Variants in CNGA1 observed in about 807,000 individuals in gnomAD.
The protein encoded by CNGA1 is cyclic nucleotide gated channel subunit alpha 1, also known as cyclic nucleotide-gated channel alpha-1.
CNGA1 carries 53 observed loss-of-function variants against 69.7 expected under a neutral mutation model. The ratio of observed to expected loss-of-function variants is 0.76; its 90% CI spans 0.61 to 0.96. The LOEUF (loss-of-function observed/expected upper bound fraction) is 0.96, where lower values mean the gene tolerates loss of function less well. Among genes scored for constraint, CNGA1 ranks in the 40% least tolerant of loss-of-function variants. CNGA1 has a pLI of 0.00. For missense variants in CNGA1, 739 were observed against 811.2 expected (o/e 0.91, Z 1.08); for synonymous variants, 249 against 283.5 (o/e 0.88, Z 1.22).
intron 10 of CNGA1, 44 bp downstream of exon 10, chr4:47,940,719 T>C: frequency 8.0e-7 from 1 of 1,247,928 alleles, no homozygotes; most frequent in Non-Finnish European, 1.2e-6. Context: ...ATGCTAGAGA[T>C]AAAAGCATGA....
intron 3 of CNGA1, among the ~76,000 whole-genome samples, chr4:47,980,244 G>C (rs1442209223): frequency 1.3e-5 from 2 of 151,314 alleles, no homozygotes; most frequent in Non-Finnish European, 2.9e-5. Context: ...ACTGATTAAA[G>C]GATATATAAA....
At chr4:47,986,542 T>G (rs1741984296) in intron 2 of CNGA1, among the ~76,000 whole-genome samples, 1 of 152,216 alleles carries the variant, frequency 6.6e-6, no homozygotes, top group South Asian at 2.1e-4. Flanking sequence ...AATGAGAATC[T>G]GTGTTTTCAT....
intron 2 of CNGA1, among the ~76,000 whole-genome samples, chr4:47,998,548 G>A (rs769771877): frequency 1.4e-4 from 22 of 152,164 alleles, no homozygotes; most frequent in Non-Finnish European, 3.1e-4. Flanking sequence ...GCTGAGATGG[G>A]CAGATCATTT....
chr4:47,955,465 G>A (rs1037737513), intron 3 of CNGA1, among the ~76,000 whole-genome samples: 1 of 152,110 alleles, frequency 6.6e-6, no homozygotes, highest in Non-Finnish European at 1.5e-5. Context: ...TTACAGGCGT[G>A]AGCCACCGCG....
At chr4:47,968,915 A>G (rs1740869880) in intron 3 of CNGA1, among the ~76,000 whole-genome samples, 1 of 152,172 alleles carries the variant, frequency 6.6e-6, no homozygotes, top group South Asian at 2.1e-4. Flanking sequence ...AACTGGTTTA[A>G]TTTCTACACA....
chr4:47,952,544 G>C lies in CNGA1; in HGVS notation c.107+39C>G, dbSNP rs774868308. 5.6e-6 allele frequency: 9 copies of C among 1,602,566 alleles called. No homozygotes were observed. The Admixed American group carries it at 6.7e-5, about 12-fold the overall frequency. On this transcript the variant is annotated intron_variant, in intron 4 of 10. Transcript: ENST00000514170. ...AATCTAGTTAAATTAAAGAACTGTA[G>C]CTAATAATAAAAATGCATGGGAAAA... is the stretch of plus-strand genomic sequence containing the variant.
At chr4:47,960,154 C>G (rs571394421) in intron 3 of CNGA1, among the ~76,000 whole-genome samples, 4 of 152,062 alleles carry the variant, frequency 2.6e-5, no homozygotes, top group Non-Finnish European at 2.9e-5. Context: ...AACTAATAAG[C>G]ACATGAAAAT....
chr4:47,980,249 T>C (rs1376858246), intron 3 of CNGA1, among the ~76,000 whole-genome samples: 2 of 152,080 alleles, frequency 1.3e-5, no homozygotes, highest in East Asian at 1.9e-4. Context: ...TTAAAGGATA[T>C]ATAAACAAAA....
chr4:47,955,057 C>T (rs2110165635), intron 3 of CNGA1, among the ~76,000 whole-genome samples: 1 of 152,130 alleles, frequency 6.6e-6, no homozygotes, highest in Non-Finnish European at 1.5e-5. Context: ...ATTTTAGTAT[C>T]ACTTTTTCCT....
intron 2 of CNGA1, among the ~76,000 whole-genome samples, chr4:48,001,525 C>G (rs1007950482): frequency 6.6e-6 from 1 of 151,952 alleles, no homozygotes; most frequent in East Asian, 1.9e-4. Context: ...AAAGTAAATT[C>G]CAAATCAGAA....
intron 3 of CNGA1, among the ~76,000 whole-genome samples, chr4:47,957,721 CA>C (rs544850524): frequency 5.7e-4 from 87 of 152,212 alleles, no homozygotes; most frequent in African/African-American, 2.0e-3. Flanking sequence ...GTGAGTTTAG[CA>C]ATGATAAGAA....
intron 6 of CNGA1, among the ~76,000 whole-genome samples, chr4:47,948,694 G>A (rs1739569330): frequency 6.6e-6 from 1 of 152,184 alleles, no homozygotes; most frequent in South Asian, 2.1e-4. Flanking sequence ...TGTATACAAT[G>A]CAGGGAGGGG....
At chr4:47,985,240 TA>T (rs1478451086) in intron 2 of CNGA1, among the ~76,000 whole-genome samples, 5 of 152,224 alleles carry the variant, frequency 3.3e-5, no homozygotes, top group Non-Finnish European at 7.3e-5. Flanking sequence ...ATATCAAAGT[TA>T]AACTTTGTTT....
intron 3 of CNGA1, among the ~76,000 whole-genome samples, chr4:47,977,744 C>T (rs760459385): frequency 6.6e-6 from 1 of 152,010 alleles, no homozygotes; most frequent in Non-Finnish European, 1.5e-5. Context: ...TTAATTATTG[C>T]ATTTTATTGC....
At chr4:47,996,687 G>A (rs993762173) in intron 2 of CNGA1, among the ~76,000 whole-genome samples, 1 of 152,050 alleles carries the variant, frequency 6.6e-6, no homozygotes, top group African/African-American at 2.4e-5. Context: ...CAAATACAAA[G>A]GGCTCAAAGA....
chr4:47,952,907 A>G, intron 3 of CNGA1: 1 of 323,784 alleles, frequency 3.1e-6, no homozygotes. Context: ...GCAGAAAGCA[A>G]AGGAGAAGCA....
In CNGA1 at chr4:48,016,681, T is replaced by C; in HGVS notation, c.-421A>G. On this transcript the variant is annotated 5_prime_UTR_variant, in exon 1 of 11. Coordinates refer to ENST00000514170, the MANE Select transcript of CNGA1 (RefSeq NM_001379270.1). ...CCGGGCAGCAGGGCTCGGCTGGCGC[T>C]GAGGCCCCGCCTGGCCATGCCCATT... 2 of 625,518 alleles carry C rather than the reference T, an allele frequency of 3.2e-6. No individual in the cohort carries two copies. Among genetic ancestry groups the C allele is most frequent in the Non-Finnish European group, 5.3e-6 (2 of 380,940 alleles). The allele number at this position is 625,518 out of a possible 1,614,324, so 38.7% of individuals were successfully genotyped here.
intron 3 of CNGA1, among the ~76,000 whole-genome samples, chr4:47,975,207 C>A (rs1741285476): frequency 2.0e-5 from 3 of 152,036 alleles, no homozygotes; most frequent in Non-Finnish European, 4.4e-5. Flanking sequence ...AATAATTATC[C>A]TTATAGGCTC....
chr4:47,951,475 G>A lies in CNGA1; in HGVS notation c.108-6C>T. 1 of 1,571,916 alleles carries A rather than the reference G, an allele frequency of 6.4e-7. No homozygotes were observed. The highest frequency in any genetic ancestry group is 8.8e-7 in the Non-Finnish European group (1 of 1,141,842). ...CATCATCCTCAGAAAAGGAGCTACA[G>A]TCCAATAGGAGGCAGAGAGAGAAGA... On this transcript the variant is annotated splice_polypyrimidine_tract_variant and splice_region_variant and intron_variant, in intron 4 of 10. Transcript: ENST00000514170.
Sources: allele counts gnomAD v4.1 joint callset (sites outside exome capture counted in the v4.1 genomes callset), GRCh38; gene constraint gnomAD v4.1.1; transcripts MANE v1.5; gene names NCBI Gene and HGNC (gene_info 2026-07-23, HGNC 2026-07-21).